Variants in SAMSN1 observed in about 807,000 individuals in gnomAD.
SAMSN1 encodes SAM domain-containing protein SAMSN-1.
A neutral mutation model predicts 42.0 loss-of-function variants in SAMSN1; 31 were observed. That is an observed-to-expected ratio of 0.74 (90% CI 0.55 to 1.00). The LOEUF is 1.00. SAMSN1 is among the 50% of genes least tolerant of loss of function. The probability of loss-of-function intolerance (pLI) is 0.00; values close to 1 mark genes in which losing one functional copy is unlikely to be tolerated. For synonymous variants in SAMSN1, 178 were observed against 151.9 expected, an observed-to-expected ratio of 1.17 and a Z score of -1.26; for missense variants, 464 against 439.4, an observed-to-expected ratio of 1.06 and a Z score of -0.50.
intron 1 of SAMSN1, among the ~76,000 whole-genome samples, chr21:14,538,676 T>C (rs1262366016): frequency 2.0e-5 from 3 of 152,148 alleles, no homozygotes; most frequent in Non-Finnish European, 4.4e-5. Context: ...TCTAGGAGCA[T>C]AAATTTGCAC....
intron 7 of SAMSN1, among the ~76,000 whole-genome samples, chr21:14,492,606 A>G (rs1423453209): frequency 6.6e-6 from 1 of 152,188 alleles, no homozygotes; most frequent in Non-Finnish European, 1.5e-5. Context: ...TGCTCTATAT[A>G]TACGGCCATT....
At chr21:14,534,822 G>C (rs1979501899) in intron 1 of SAMSN1, among the ~76,000 whole-genome samples, 1 of 152,138 alleles carries the variant, frequency 6.6e-6, no homozygotes, top group Non-Finnish European at 1.5e-5. Flanking sequence ...TTAAGAAAAT[G>C]TTCAAAGTCC....
intron 7 of SAMSN1, among the ~76,000 whole-genome samples, chr21:14,489,923 C>T (rs1986610163): frequency 6.6e-6 from 1 of 151,906 alleles, no homozygotes; most frequent in South Asian, 2.1e-4. Context: ...TTAAGAAAGG[C>T]AATCTCAATT....
intron 5 of SAMSN1, among the ~76,000 whole-genome samples, chr21:14,608,155 G>A (rs1395652115): frequency 2.6e-5 from 4 of 152,170 alleles, no homozygotes; most frequent in African/African-American, 7.2e-5. Context: ...TAAAAATGAG[G>A]TGAGTGATCA....
chr21:14,620,945 A>C (rs180804444), intron 2 of SAMSN1, among the ~76,000 whole-genome samples: 2 of 152,332 alleles, frequency 1.3e-5, no homozygotes, highest in African/African-American at 4.8e-5. Flanking sequence ...CTCTTGCAAA[A>C]ATGAAGATTG....
intron 2 of SAMSN1, among the ~76,000 whole-genome samples, chr21:14,621,037 G>A (rs1304044181): frequency 1.3e-5 from 2 of 152,148 alleles, no homozygotes; most frequent in Non-Finnish European, 2.9e-5. Context: ...GAATAAGTAT[G>A]TTTCTGGATA....
At chr21:14,653,107 C>T (rs1043939914) in intron 1 of SAMSN1, among the ~76,000 whole-genome samples, 1 of 152,016 alleles carries the variant, frequency 6.6e-6, no homozygotes. Context: ...ATTAGTACAA[C>T]CACTATGGAG....
chr21:14,539,699 G>A (rs939097365), intron 1 of SAMSN1, among the ~76,000 whole-genome samples: 23 of 152,168 alleles, frequency 1.5e-4, no homozygotes, highest in Admixed American at 1.4e-3. Flanking sequence ...AATCAATATC[G>A]TGAAAATGGC....
At chr21:14,584,903 C>T (rs1180461852), upstream of SAMSN1, among the ~76,000 whole-genome samples, 1 of 152,148 alleles carries the variant, frequency 6.6e-6, no homozygotes, top group African/African-American at 2.4e-5. Flanking sequence ...GCAACATTTC[C>T]AATCTTTATA....
intron 6 of SAMSN1, among the ~76,000 whole-genome samples, chr21:14,600,748 C>G (rs550280209): frequency 1.1e-4 from 16 of 152,256 alleles, no homozygotes; most frequent in African/African-American, 3.6e-4. Context: ...TCCTGGCCAG[C>G]AGACAATGCT....
chr21:14,598,297 T>G (rs1982329102), intron 6 of SAMSN1: 1 of 152,198 alleles, frequency 6.6e-6, no homozygotes, highest in Non-Finnish European at 1.5e-5. Context: ...GCAACACTTT[T>G]GAAAATATAT....
At chr21:14,567,105 G>A (rs1981146881) in intron 2 of SAMSN1, among the ~76,000 whole-genome samples, 1 of 152,058 alleles carries the variant, frequency 6.6e-6, no homozygotes. Context: ...CATACAGAGT[G>A]GTATTGACAG....
chr21:14,545,251 T>C (rs1229799100), intron 1 of SAMSN1, among the ~76,000 whole-genome samples: 5 of 152,164 alleles, frequency 3.3e-5, no homozygotes, highest in Non-Finnish European at 7.4e-5. Context: ...TTGTTCAATG[T>C]CTCATCAATT....
chr21:14,614,485 A>T (rs559305851), intron 3 of SAMSN1, among the ~76,000 whole-genome samples: 7 of 152,290 alleles, frequency 4.6e-5, no homozygotes, highest in African/African-American at 1.7e-4. Context: ...GGGTAAACAC[A>T]CATATCTCAT....
chr21:14,624,123 A>G (rs1306045804), intron 2 of SAMSN1, among the ~76,000 whole-genome samples: 5 of 152,258 alleles, frequency 3.3e-5, no homozygotes, highest in Non-Finnish European at 7.3e-5. Flanking sequence ...ACACATTTAA[A>G]GAAATGTATA....
rs991170679 is a variant in SAMSN1 at position 14,512,027 on chromosome 21, A to G, written c.409+417T>C. On this transcript the variant is annotated intron_variant, in intron 4 of 7. Coordinates refer to ENST00000400566, the MANE Select transcript of SAMSN1 (RefSeq NM_022136.5). ...GGGGGAGAAAGAATGAGGGGGACGC[A>G]GGGAAGAGGAAGGGAGAAAGAAAGA... Among the ~76,000 whole-genome samples the G allele has an allele frequency of 5.9e-5, 9 of 152,172 alleles. 1 individual carries two copies. Among genetic ancestry groups the G allele is most frequent in the Admixed American group, 2.6e-4 (4 of 15,280 alleles).
intron 7 of SAMSN1, among the ~76,000 whole-genome samples, chr21:14,588,433 G>A (rs1017182505): frequency 6.8e-4 from 100 of 147,368 alleles, no homozygotes; most frequent in African/African-American, 2.3e-3. Context: ...TTTAATGATC[G>A]CCATTCTAAC....
intron 2 of SAMSN1, among the ~76,000 whole-genome samples, chr21:14,634,332 A>G (rs185484707): frequency 6.6e-6 from 1 of 152,306 alleles, no homozygotes; most frequent in East Asian, 1.9e-4. Flanking sequence ...AATTAAACTA[A>G]AGAGCTTCTG....
chr21:14,635,533 C>A (rs1012401063), intron 2 of SAMSN1, among the ~76,000 whole-genome samples: 1 of 152,092 alleles, frequency 6.6e-6, no homozygotes, highest in Non-Finnish European at 1.5e-5. Flanking sequence ...TTTTCTAATG[C>A]GCATCAACAG....
Sources: gnomAD v4.1 joint callset for allele counts (sites outside exome capture counted in the v4.1 genomes callset) on GRCh38, gnomAD v4.1.1 for gene constraint, MANE v1.5 for transcripts, NCBI Gene and HGNC (gene_info 2026-07-23, HGNC 2026-07-21) for gene names.